NWD1: variants seen among roughly 807,000 people sequenced by gnomAD.
NWD1 encodes NACHT and WD repeat domain containing 1, also known as NACHT domain- and WD repeat-containing protein 1.
A neutral mutation model predicts 135.1 loss-of-function variants in NWD1; 129 were observed. That is an observed-to-expected ratio of 0.96 (90% CI 0.83 to 1.11). The LOEUF (loss-of-function observed/expected upper bound fraction) is 1.11. NWD1 is among the 50% of genes least tolerant of loss of function. The probability of loss-of-function intolerance (pLI) is 0.00; values close to 1 mark genes in which losing one functional copy is unlikely to be tolerated. For missense variants in NWD1, 1,740 were observed against 1,851.3 expected, an observed-to-expected ratio of 0.94 and a Z score of 1.10; for synonymous variants, 773 against 786.0, an observed-to-expected ratio of 0.98 and a Z score of 0.28.
chr19:16,724,628 G>A (rs532407797), intron 2 of NWD1, among the ~76,000 whole-genome samples, 165 bp downstream of exon 2: 2 of 152,200 alleles, frequency 1.3e-5, no homozygotes, highest in African/African-American at 2.4e-5. Flanking sequence ...TGGGAGGATC[G>A]TTTGTTGGCA....
chr19:16,741,758 C>CT (rs1968093789), intron 4 of NWD1, among the ~76,000 whole-genome samples: 1 of 152,122 alleles, frequency 6.6e-6, no homozygotes, highest in Admixed American at 6.6e-5. Flanking sequence ...TCCTAGCACT[C>CT]TAACAGCTGC....
chr19:16,729,347 G>A lies in NWD1; in HGVS notation c.-6-1845G>A, dbSNP rs532371072. Among the ~76,000 whole-genome samples the A allele has an allele frequency of 1.2e-4, 18 of 151,986 alleles. No homozygotes were observed. In the South Asian group the frequency reaches 2.7e-3, roughly 23 times the overall value. On this transcript the variant is annotated intron_variant, in intron 2 of 18. Transcript: ENST00000524140. ...TATCCACACCAGAATCCATAGATCCGGGAACCCACAAGGCCCTGGGGCCCA... is the reference window on the plus strand; with the variant it reads ...TATCCACACCAGAATCCATAGATCCAGGAACCCACAAGGCCCTGGGGCCCA...
intron 10 of NWD1, among the ~76,000 whole-genome samples, chr19:16,766,224 T>C (rs1051622308): frequency 7.9e-5 from 12 of 151,984 alleles, no homozygotes; most frequent in African/African-American, 2.9e-4. Flanking sequence ...TCTGGTCCAT[T>C]GCAAACACAT....
At chr19:16,805,389 T>C (rs554157353) in intron 17 of NWD1, among the ~76,000 whole-genome samples, 266 of 151,928 alleles carry the variant, frequency 1.8e-3, no homozygotes, top group Non-Finnish European at 2.6e-3. Context: ...AGATAAGGTC[T>C]CTCTATCTTG....
chr19:16,722,675 T>C (rs923095578), intron 1 of NWD1, among the ~76,000 whole-genome samples: 1 of 151,988 alleles, frequency 6.6e-6, no homozygotes, highest in Non-Finnish European at 1.5e-5. Context: ...GACCTGCTCC[T>C]GGGAAGTGAC....
At chr19:16,791,855 C>T (rs1377898018) in intron 14 of NWD1, among the ~76,000 whole-genome samples, 3 of 152,162 alleles carry the variant, frequency 2.0e-5, no homozygotes, top group Non-Finnish European at 4.4e-5. Context: ...GCTGGGATTA[C>T]AGGCAAGTGC....
intron 18 of NWD1, 62 bp downstream of exon 18, chr19:16,808,198 C>T: frequency 6.9e-7 from 1 of 1,457,970 alleles, no homozygotes; most frequent in Non-Finnish European, 9.6e-7. Flanking sequence ...GATAGATAGC[C>T]ATCATTTACT....
intron 6 of NWD1, among the ~76,000 whole-genome samples, chr19:16,754,939 C>T (rs1012270131): frequency 6.6e-6 from 1 of 152,182 alleles, no homozygotes; most frequent in Non-Finnish European, 1.5e-5. Flanking sequence ...ATATATTTCT[C>T]TATGTCCCAT....
At chr19:16,725,169 A>G (rs1407252988) in intron 2 of NWD1, among the ~76,000 whole-genome samples, 1 of 151,118 alleles carries the variant, frequency 6.6e-6, no homozygotes, top group African/African-American at 2.4e-5. Flanking sequence ...GTGCACCACC[A>G]TGGCCAGCTA....
chr19:16,754,257 CATCT>C (rs1968694917), intron 6 of NWD1, among the ~76,000 whole-genome samples: 3 of 151,242 alleles, frequency 2.0e-5, no homozygotes, highest in South Asian at 2.1e-4. Context: ...ATCTTCCATC[CATCT>C]ATCCATCATC....
chr19:16,729,484 G>A (rs911879941), intron 2 of NWD1, among the ~76,000 whole-genome samples: 1 of 151,654 alleles, frequency 6.6e-6, no homozygotes, highest in Non-Finnish European at 1.5e-5. Flanking sequence ...TCGATGTAAA[G>A]TAGATTTGTC....
chr19:16,784,265 C>T (rs2123018740), intron 12 of NWD1, among the ~76,000 whole-genome samples: 1 of 151,292 alleles, frequency 6.6e-6, no homozygotes, highest in South Asian at 2.1e-4. Flanking sequence ...CAGGCTGCGG[C>T]TGAGGCAGAA....
At chr19:16,787,172 G>A (rs1458663251) in intron 12 of NWD1, among the ~76,000 whole-genome samples, 2 of 151,916 alleles carry the variant, frequency 1.3e-5, no homozygotes, top group African/African-American at 4.8e-5. Context: ...TGTTGCTGAG[G>A]CTGGAGTGCA....
Position 16,750,342 on chromosome 19 carries a change from G to C in NWD1, c.1700G>C (p.Cys567Ser). ...GCAGAGGAAGCCACGCACCAACTCTGCACCCGCCTGGAGCAGACACACGGG... is the reference window on the plus strand; with the variant it reads ...GCAGAGGAAGCCACGCACCAACTCTCCACCCGCCTGGAGCAGACACACGGG... ...TTAEEATHQLCTRLEQTHGQL... is the reference protein window; with the variant it reads ...TTAEEATHQLSTRLEQTHGQL... Residue 567 changes from cysteine (C) to serine (S), a missense_variant, in exon 6 of 19, where the codon TGC becomes TCC. Transcript: ENST00000524140. The C allele has an allele frequency of 2.5e-6, 4 of 1,612,010 alleles. No homozygotes were observed. The highest frequency in any genetic ancestry group is 3.4e-6 in the Non-Finnish European group (4 of 1,179,282).
intron 1 of NWD1, among the ~76,000 whole-genome samples, chr19:16,723,884 C>T (rs778673621): frequency 7.9e-5 from 12 of 151,916 alleles, no homozygotes; most frequent in Non-Finnish European, 1.3e-4. Flanking sequence ...TTAGTAGAGA[C>T]GGGGTTTCAC....
intron 4 of NWD1, among the ~76,000 whole-genome samples, chr19:16,740,076 C>T (rs879531996): frequency 3.3e-5 from 5 of 151,542 alleles, no homozygotes; most frequent in Non-Finnish European, 7.4e-5. Flanking sequence ...GCCGGAGGAT[C>T]GTGTGATCCC....
chr19:16,740,617 C>T (rs1044227488), intron 4 of NWD1, among the ~76,000 whole-genome samples: 7 of 149,100 alleles, frequency 4.7e-5, no homozygotes, highest in East Asian at 4.0e-4. Flanking sequence ...GGATTACAGG[C>T]GTGAGCCACT....
chr19:16,772,804 C>T (rs1271767944), intron 10 of NWD1, among the ~76,000 whole-genome samples: 3 of 151,872 alleles, frequency 2.0e-5, no homozygotes, highest in Non-Finnish European at 4.4e-5. Flanking sequence ...CACTGCACTC[C>T]AGCCGGGACA....
At chr19:16,744,321 G>A in intron 4 of NWD1, 100 bp from the exon 5 acceptor site, 1 of 968,838 alleles carries the variant, frequency 1.0e-6, no homozygotes, top group Non-Finnish European at 1.5e-6. Flanking sequence ...AGGCTGCAGT[G>A]AGCCATGGTT....
Sources: gnomAD v4.1 joint callset for allele counts (sites outside exome capture counted in the v4.1 genomes callset) on GRCh38, gnomAD v4.1.1 for gene constraint, MANE v1.5 for transcripts, NCBI Gene and HGNC (gene_info 2026-07-23, HGNC 2026-07-21) for gene names.